The following RETREG1 variants were observed in gnomAD, a reference collection of about 807,000 sequenced individuals.
RETREG1 encodes family with sequence similarity 134 member B.
Under a neutral mutation model 54.8 loss-of-function variants are expected in RETREG1, and 44 were observed. The ratio of observed to expected loss-of-function variants is 0.80; its 90% CI spans 0.63 to 1.03. RETREG1 has a LOEUF of 1.03. Ranked by LOEUF, RETREG1 falls within the 50% of genes least tolerant of loss-of-function variation. The pLI is 0.00. For missense variants in RETREG1, 554 were observed against 605.1 expected (o/e 0.92, Z 0.89); for synonymous variants, 217 against 238.5 (o/e 0.91, Z 0.83).
Position 16,565,875 on chromosome 5 carries a change from G to A in RETREG1, c.428-82C>T, listed in dbSNP as rs75566471. 6.7e-3 allele frequency: 9,522 copies of A among 1,428,430 alleles called. 407 individuals are homozygous for A. The African/African-American group carries it at 0.1, about 15-fold the overall frequency. The allele number at this position is 1,428,430 out of a possible 1,614,324, so 88.5% of individuals were successfully genotyped here. On this transcript the variant is annotated intron_variant, in intron 2 of 8. Coordinates refer to ENST00000306320, the MANE Select transcript of RETREG1 (RefSeq NM_001034850.3). ...ATTTCTCAACTCTGAACTAGTCCAA[G>A]CTATTTAAAGTGGAATGCTCAGATC...
chr5:16,577,212 G>T (rs1221168098), intron 1 of RETREG1, among the ~76,000 whole-genome samples: 1 of 151,560 alleles, frequency 6.6e-6, no homozygotes, highest in Non-Finnish European at 1.5e-5. Context: ...TTGTGATTTG[G>T]TTTAACATTT....
In RETREG1 at chr5:16,611,915, A is replaced by G. The variant is rs541716081; in HGVS notation, c.320+4737T>C. Among the ~76,000 whole-genome samples the G allele has an allele frequency of 3.3e-5, 5 of 152,162 alleles. No individual in the cohort carries two copies. In the East Asian group the frequency reaches 9.7e-4, roughly 29 times the overall value. ...CCCTGTCACCACTAAAAATACAAAA[A>G]TTAGCCAGGCTTGGTGGCATGTGCC... On this transcript the variant is annotated intron_variant, in intron 1 of 8. Coordinates refer to ENST00000306320, the MANE Select transcript of RETREG1 (RefSeq NM_001034850.3).
chr5:16,577,835 C>G lies in RETREG1; in HGVS notation c.321-5733G>C, dbSNP rs1316474585. 1.3e-5 allele frequency among the ~76,000 whole-genome samples: 2 copies of G among 152,162 alleles called. 1 individual carries two copies. The highest frequency in any genetic ancestry group is 4.8e-5 in the African/African-American group (2 of 41,432). On this transcript the variant is annotated intron_variant, in intron 1 of 8. Transcript: ENST00000306320. The stretch of plus-strand genomic sequence containing the variant: ...GTCAGGGGAAACCCCTTTTGCTTAG[C>G]TCTCATTCTCTCTTGCCTGCCACGA...
At chr5:16,530,306 C>T (rs530323372) in intron 3 of RETREG1, among the ~76,000 whole-genome samples, 1 of 152,316 alleles carries the variant, frequency 6.6e-6, no homozygotes, top group African/African-American at 2.4e-5. Context: ...GCCAAGCGAC[C>T]CCTGGTGCCA....
At chr5:16,607,763 A>G (rs1356135953) in intron 1 of RETREG1, among the ~76,000 whole-genome samples, 3 of 152,078 alleles carry the variant, frequency 2.0e-5, no homozygotes, top group African/African-American at 7.2e-5. Flanking sequence ...GTCCAATAGT[A>G]ACCTCTTCAA....
In RETREG1 at chr5:16,572,165, G is replaced by T. The variant is rs1379244287; in HGVS notation, c.321-63C>A. 7 of 1,172,712 alleles carry T rather than the reference G, an allele frequency of 6.0e-6. No individual in the cohort carries two copies. In the South Asian group the frequency reaches 6.2e-5, roughly 10 times the overall value. The allele number at this position is 1,172,712 out of a possible 1,614,324, so 72.6% of individuals were successfully genotyped here. A position where few individuals can be genotyped will look rare whatever the true frequency, so the allele number is the denominator to read the frequency against. The stretch of plus-strand genomic sequence containing the variant: ...GGATTTTTAACCTTTTCAAAATTGG[G>T]TTTACTTCCTGCCACAGAAACAAAA... On this transcript the variant is annotated intron_variant, in intron 1 of 8. Coordinates refer to ENST00000306320, the MANE Select transcript of RETREG1 (RefSeq NM_001034850.3).
intron 3 of RETREG1, among the ~76,000 whole-genome samples, chr5:16,513,878 A>T (rs1213905545): frequency 6.6e-6 from 1 of 152,214 alleles, no homozygotes; most frequent in East Asian, 1.9e-4. Context: ...CCTTGTCATG[A>T]TCTTTGATGA....
intron 1 of RETREG1, among the ~76,000 whole-genome samples, chr5:16,574,075 C>A (rs1196250015): frequency 6.6e-6 from 1 of 152,132 alleles, no homozygotes; most frequent in Admixed American, 6.6e-5. Flanking sequence ...CGGCACTTAA[C>A]TGGGTCTGGG....
chr5:16,508,780 T>C, intron 3 of RETREG1: 1 of 1,482,322 alleles, frequency 6.7e-7, no homozygotes, highest in South Asian at 1.4e-5. Flanking sequence ...CCTCCCTTAC[T>C]CAGAAAGTTG....
chr5:16,564,878 T>A (rs1741965875), intron 3 of RETREG1, among the ~76,000 whole-genome samples: 1 of 152,158 alleles, frequency 6.6e-6, no homozygotes, highest in Non-Finnish European at 1.5e-5. Context: ...CTTCCAAAGG[T>A]GCGTTACATA....
chr5:16,607,847 C>T (rs1379606963), intron 1 of RETREG1, among the ~76,000 whole-genome samples: 1 of 150,708 alleles, frequency 6.6e-6, no homozygotes, highest in Non-Finnish European at 1.5e-5. Flanking sequence ...AATCTCCCCT[C>T]CCCTCCCCTC....
At chr5:16,578,263 A>G (rs1287621611) in intron 1 of RETREG1, among the ~76,000 whole-genome samples, 9 of 152,004 alleles carry the variant, frequency 5.9e-5, no homozygotes, top group Non-Finnish European at 1.0e-4. Context: ...CTAATCACTT[A>G]ATAAAGCAAT....
At chr5:16,560,474 G>A (rs570643899) in intron 3 of RETREG1, among the ~76,000 whole-genome samples, 9 of 152,232 alleles carry the variant, frequency 5.9e-5, no homozygotes, top group African/African-American at 2.2e-4. Context: ...CTTCTTAAAG[G>A]TCATGAAACG....
intron 3 of RETREG1, among the ~76,000 whole-genome samples, chr5:16,501,706 C>T (rs1173955413): frequency 6.6e-6 from 1 of 151,668 alleles, no homozygotes; most frequent in Non-Finnish European, 1.5e-5. Context: ...CCATGCCCAG[C>T]TAATTTTTTT....
At chr5:16,528,531 G>A (rs942286461) in intron 3 of RETREG1, among the ~76,000 whole-genome samples, 1 of 152,156 alleles carries the variant, frequency 6.6e-6, no homozygotes, top group African/African-American at 2.4e-5. Flanking sequence ...AGGAGCAAAA[G>A]AAAGATTAGG....
chr5:16,487,951 A>G (rs947153759), intron 3 of RETREG1, among the ~76,000 whole-genome samples: 3 of 152,234 alleles, frequency 2.0e-5, no homozygotes, highest in Non-Finnish European at 4.4e-5. Context: ...CCCTTCATGC[A>G]GTTCCTGCAG....
intron 3 of RETREG1, among the ~76,000 whole-genome samples, chr5:16,498,975 T>TA (rs1388607904): frequency 3.9e-5 from 6 of 152,310 alleles, no homozygotes; most frequent in African/African-American, 1.4e-4. Context: ...TTGACTCTTG[T>TA]AATAACGCTT....
rs1353285252 is a variant in RETREG1, at chr5:16,557,918, G to A, written c.458+7845C>T. ...TTAATTGCCATCATGATGATATTAA[G>A]ATGTGATTAAGACATGAGGGGTCTG... On this transcript the variant is annotated intron_variant, in intron 3 of 8. Coordinates refer to ENST00000306320, the MANE Select transcript of RETREG1 (RefSeq NM_001034850.3). Among the ~76,000 whole-genome samples, 3 of 152,106 alleles carry A rather than the reference G, an allele frequency of 2.0e-5. No individual in the cohort carries two copies. In the South Asian group the frequency reaches 6.2e-4, roughly 32 times the overall value.
chr5:16,491,031 A>C (rs1173900417), intron 3 of RETREG1, among the ~76,000 whole-genome samples: 1 of 152,176 alleles, frequency 6.6e-6, no homozygotes, highest in African/African-American at 2.4e-5. Flanking sequence ...ACCCAACTTC[A>C]CAAACTTCAA....
Sources: gnomAD v4.1 joint callset for allele counts (sites outside exome capture counted in the v4.1 genomes callset) on GRCh38, gnomAD v4.1.1 for gene constraint, MANE v1.5 for transcripts, NCBI Gene and HGNC (gene_info 2026-07-23, HGNC 2026-07-21) for gene names.